The following PIK3C2G variants were observed in gnomAD, a reference collection of about 807,000 sequenced individuals.
The protein encoded by PIK3C2G is phosphatidylinositol 3-kinase C2 domain-containing subunit gamma.
PIK3C2G carries 168 observed loss-of-function variants against 181.1 expected under a neutral mutation model. The observed-to-expected ratio is 0.93, with a 90% confidence interval of 0.82 to 1.05. The LOEUF is 1.05. Ranked by LOEUF, PIK3C2G falls within the 50% of genes least tolerant of loss-of-function variation. PIK3C2G has a pLI of 0.00. For synonymous variants in PIK3C2G, 573 were observed against 592.2 expected (o/e 0.97, Z 0.47); for missense variants, 1,869 against 1,732.8 (o/e 1.08, Z -1.40).
chr12:18,585,353 G>A (rs1946713064), intron 29 of PIK3C2G, among the ~76,000 whole-genome samples: 1 of 148,950 alleles, frequency 6.7e-6, no homozygotes, highest in Non-Finnish European at 1.5e-5. Flanking sequence ...AATCCACCAA[G>A]CAAATGGAAA....
At chr12:18,290,780 C>T (rs1949657363) in intron 3 of PIK3C2G, 75 bp from the exon 4 acceptor site, 1 of 901,320 alleles carries the variant, frequency 1.1e-6, no homozygotes, top group Non-Finnish European at 1.7e-6. Flanking sequence ...CTTAAAATTA[C>T]ATTGTGGGCA....
chr12:18,291,437 A>G (rs1949687299), intron 4 of PIK3C2G, among the ~76,000 whole-genome samples: 1 of 152,192 alleles, frequency 6.6e-6, no homozygotes, highest in Admixed American at 6.6e-5. Flanking sequence ...TATTTCCTTA[A>G]TGAGGAATCT....
chr12:18,332,896 C>T (rs200228813), intron 8 of PIK3C2G, among the ~76,000 whole-genome samples: 1 of 152,112 alleles, frequency 6.6e-6, no homozygotes, highest in South Asian at 2.1e-4. Flanking sequence ...TCCTGCACAG[C>T]CTTCAGTATT....
intron 16 of PIK3C2G, among the ~76,000 whole-genome samples, chr12:18,400,738 T>C (rs1209371696): frequency 6.6e-6 from 1 of 152,040 alleles, no homozygotes; most frequent in Non-Finnish European, 1.5e-5. Flanking sequence ...TTTGTAAGAG[T>C]TACTAGCTTC....
At chr12:18,707,553 G>A in the PIK3C2G span, among the ~76,000 whole-genome samples, 1 of 152,076 alleles carries the variant, frequency 6.6e-6, no homozygotes, top group South Asian at 2.1e-4. Context: ...CTTACCAAAG[G>A]CTGTTTTAAG....
intron 32 of PIK3C2G, among the ~76,000 whole-genome samples, chr12:18,642,764 C>T (rs10841054): frequency 0.15 from 22,182 of 149,266 alleles, 2,068 homozygotes; most frequent in East Asian, 0.42. Flanking sequence ...AATAAATATT[C>T]GGGGCAGTTT....
the PIK3C2G span, among the ~76,000 whole-genome samples, chr12:18,700,512 CAAAAAAAAAAAAA>C: frequency 2.9e-5 from 2 of 67,896 alleles, no homozygotes; most frequent in Non-Finnish European, 5.0e-5. Context: ...AGCCAACGTA[CAAAAAAAAAAAAA>C]AAAAAAAAAA....
chr12:18,467,363 A>G (rs1401816926), intron 18 of PIK3C2G, among the ~76,000 whole-genome samples: 1 of 152,042 alleles, frequency 6.6e-6, no homozygotes, highest in Non-Finnish European at 1.5e-5. Context: ...CAAAGCAAGC[A>G]TGCAAAGGGT....
chr12:18,540,670 T>C (rs373517472), intron 25 of PIK3C2G, among the ~76,000 whole-genome samples: 16 of 151,910 alleles, frequency 1.1e-4, no homozygotes, highest in African/African-American at 3.9e-4. Flanking sequence ...TTCTGGAATA[T>C]AGTATATCCA....
rs578057778 is a variant in PIK3C2G, at chr12:18,486,079, T to C, written c.2505-2370T>C. ...CATTTAAAGTGTCTGTGCCTGAAAATACAGGAATAGAATAATTGACCTCTC... is the reference window on the plus strand; with the variant it reads ...CATTTAAAGTGTCTGTGCCTGAAAACACAGGAATAGAATAATTGACCTCTC... On this transcript the variant is annotated intron_variant, in intron 18 of 32. Transcript: ENST00000538779. Among the ~76,000 whole-genome samples, 5 of 152,246 alleles carry C rather than the reference T, an allele frequency of 3.3e-5. No homozygotes were observed. In the South Asian group the frequency reaches 8.3e-4, roughly 25 times the overall value.
intron 5 of PIK3C2G, among the ~76,000 whole-genome samples, chr12:18,305,936 T>C (rs1234631057): frequency 6.6e-6 from 1 of 151,732 alleles, no homozygotes; most frequent in Non-Finnish European, 1.5e-5. Flanking sequence ...TTGTTATCTT[T>C]TTTTTTTTTA....
intron 31 of PIK3C2G, among the ~76,000 whole-genome samples, chr12:18,633,347 C>A (rs979804439): frequency 6.6e-6 from 1 of 152,100 alleles, no homozygotes; most frequent in East Asian, 1.9e-4. Flanking sequence ...GTGTTCATTA[C>A]AAAATAAAGA....
At chr12:18,391,522 A>G (rs374423441) in intron 15 of PIK3C2G, among the ~76,000 whole-genome samples, 4 of 152,212 alleles carry the variant, frequency 2.6e-5, no homozygotes, top group East Asian at 1.9e-4. Context: ...GAGAGTGATC[A>G]TATATACATC....
At chr12:18,491,269 C>T (rs1940544794) in intron 19 of PIK3C2G, among the ~76,000 whole-genome samples, 182 bp from the exon 20 acceptor site, 2 of 152,146 alleles carry the variant, frequency 1.3e-5, no homozygotes. Context: ...CCAACATGCC[C>T]TATTGTCTTT....
At chr12:18,514,026 C>T (rs549858351) in intron 24 of PIK3C2G, among the ~76,000 whole-genome samples, 54 of 151,870 alleles carry the variant, frequency 3.6e-4, no homozygotes, top group African/African-American at 1.3e-3. Flanking sequence ...TTGCTGCATG[C>T]AATATGCTTT....
intron 25 of PIK3C2G, among the ~76,000 whole-genome samples, chr12:18,545,059 A>T (rs1364061188): frequency 1.3e-5 from 2 of 151,838 alleles, no homozygotes; most frequent in East Asian, 3.9e-4. Flanking sequence ...TAAAACACTT[A>T]AAGAGCTTTC....
At chr12:18,343,211 T>A (rs1305149981) in intron 9 of PIK3C2G, 116 bp from the exon 10 acceptor site, 1 of 623,796 alleles carries the variant, frequency 1.6e-6, no homozygotes, top group African/African-American at 1.9e-5. Flanking sequence ...CCAAGAAATA[T>A]TTTGTTGTTT....
At chr12:18,604,479 C>T (rs972161084) in intron 30 of PIK3C2G, among the ~76,000 whole-genome samples, 5 of 152,168 alleles carry the variant, frequency 3.3e-5, no homozygotes, top group African/African-American at 1.2e-4. Context: ...CAGCACTAGA[C>T]AGGTCATCAA....
At chr12:18,300,993 T>C (rs1429555897) in intron 5 of PIK3C2G, among the ~76,000 whole-genome samples, 1 of 152,104 alleles carries the variant, frequency 6.6e-6, no homozygotes, top group Admixed American at 6.5e-5. Context: ...TTGAGAGTGG[T>C]TTCTTTTTTT....
Sources: gnomAD v4.1 joint callset for allele counts (sites outside exome capture counted in the v4.1 genomes callset) on GRCh38, gnomAD v4.1.1 for gene constraint, MANE v1.5 for transcripts, NCBI Gene and HGNC (gene_info 2026-07-23, HGNC 2026-07-21) for gene names.